Variants in MTAP observed in about 807,000 individuals in gnomAD.
MTAP encodes the protein S-methyl-5'-thioadenosine phosphorylase.
Under a neutral mutation model 33.6 loss-of-function variants are expected in MTAP, and 33 were observed. The ratio of observed to expected loss-of-function variants is 0.98; its 90% CI spans 0.74 to 1.31. The LOEUF is 1.31. MTAP is among the 40% of genes most tolerant of loss of function. The pLI is 0.00. For synonymous variants in MTAP, 148 were observed against 125.7 expected, an observed-to-expected ratio of 1.18 and a Z score of -1.19; for missense variants, 367 against 360.0, an observed-to-expected ratio of 1.02 and a Z score of -0.16.
chr9:21,828,519 CA>C (rs912012688), intron 4 of MTAP, among the ~76,000 whole-genome samples: 4 of 150,522 alleles, frequency 2.7e-5, no homozygotes, highest in South Asian at 2.1e-4. Flanking sequence ...ACTAAAAATA[CA>C]AAAAAAAAGT....
intron 4 of MTAP, among the ~76,000 whole-genome samples, chr9:21,836,131 T>G (rs1825100315): frequency 6.6e-6 from 1 of 152,206 alleles, no homozygotes; most frequent in African/African-American, 2.4e-5. Flanking sequence ...GGCATCTTGG[T>G]TGACTTAATC....
At chr9:21,933,749 A>G (rs1363612243), downstream of MTAP, 3 of 152,190 alleles carry the variant, frequency 2.0e-5, no homozygotes, top group Non-Finnish European at 4.4e-5. Flanking sequence ...ACAGTTTTCA[A>G]ATGAAAACTG....
At chr9:21,938,560 T>C (rs2131059960), downstream of MTAP, among the ~76,000 whole-genome samples, 1 of 152,348 alleles carries the variant, frequency 6.6e-6, no homozygotes, top group Non-Finnish European at 1.5e-5. Context: ...ATGTAAGTTT[T>C]CCAGATGTTC....
At chr9:21,890,464 C>A (rs558837142) in intron 1 of MTAP, among the ~76,000 whole-genome samples, 1 of 152,250 alleles carries the variant, frequency 6.6e-6, no homozygotes, top group African/African-American at 2.4e-5. Context: ...CTGGATTCTG[C>A]CCAGGAAAGT....
intron 1 of MTAP, among the ~76,000 whole-genome samples, chr9:21,901,059 C>T (rs376535669): frequency 1.3e-5 from 2 of 152,314 alleles, no homozygotes; most frequent in East Asian, 3.9e-4. Context: ...AAAACTACCT[C>T]TTAGGTACTA....
Position 21,904,953 on chromosome 9 carries a change from G to A in MTAP, c.148-26055G>A, listed in dbSNP as rs1279827971. On this transcript the variant is annotated intron_variant, in intron 1 of 1. Transcript: ENST00000577563. ...TGACGGGGTGTGGCTCACTTCTTTG[G>A]TATCCCGCTGCTCAAACCTCTAGGG... Among the ~76,000 whole-genome samples, 8 of 152,090 alleles carry A rather than the reference G, an allele frequency of 5.3e-5. No individual in the cohort carries two copies. The East Asian group carries it at 1.5e-3, about 29-fold the overall frequency.
downstream of MTAP, among the ~76,000 whole-genome samples, chr9:21,939,471 A>G (rs1394163989): frequency 1.3e-5 from 2 of 152,214 alleles, no homozygotes; most frequent in Non-Finnish European, 2.9e-5. Flanking sequence ...AAAGAAGCAT[A>G]TACTTTCTCT....
At chr9:21,891,189 A>G (rs1818195804) in intron 1 of MTAP, among the ~76,000 whole-genome samples, 1 of 152,182 alleles carries the variant, frequency 6.6e-6, no homozygotes, top group Admixed American at 6.6e-5. Context: ...CACACAGATG[A>G]AAAAGAACCA....
intron 6 of MTAP, among the ~76,000 whole-genome samples, chr9:21,858,711 C>G (rs1422842706): frequency 1.3e-5 from 2 of 152,198 alleles, no homozygotes; most frequent in Non-Finnish European, 2.9e-5. Flanking sequence ...GGACACAAAT[C>G]CAAACCATAC....
chr9:21,904,110 G>T (rs573395385), intron 1 of MTAP, among the ~76,000 whole-genome samples: 2 of 152,150 alleles, frequency 1.3e-5, no homozygotes, highest in African/African-American at 2.4e-5. Flanking sequence ...GCTGTCCTCC[G>T]ACTGCCCTGG....
At chr9:21,897,429 G>A (rs1300635326) in intron 1 of MTAP, among the ~76,000 whole-genome samples, 1 of 152,160 alleles carries the variant, frequency 6.6e-6, no homozygotes, top group Non-Finnish European at 1.5e-5. Flanking sequence ...GAGGAAAAGA[G>A]GAAGTCAAAT....
At chr9:21,896,159 CTATT>C (rs1563862708) in intron 1 of MTAP, among the ~76,000 whole-genome samples, 1 of 152,218 alleles carries the variant, frequency 6.6e-6, no homozygotes, top group Non-Finnish European at 1.5e-5. Context: ...TCCTGAATGA[CTATT>C]GGGTCCATAA....
At chr9:21,939,465 A>C (rs1437890909), downstream of MTAP, among the ~76,000 whole-genome samples, 1 of 152,232 alleles carries the variant, frequency 6.6e-6, no homozygotes, top group Non-Finnish European at 1.5e-5. Flanking sequence ...AACAGAAAAG[A>C]AGCATATACT....
intron 1 of MTAP, among the ~76,000 whole-genome samples, chr9:21,913,523 T>TG (rs200948115): frequency 0.39 from 58,744 of 151,886 alleles, 13,598 homozygotes; most frequent in East Asian, 0.63. Flanking sequence ...AAACAAGAAA[T>TG]GGGAAAGGAT....
At chr9:21,874,394 T>C in intron 1 of MTAP, among the ~76,000 whole-genome samples, 1 of 152,234 alleles carries the variant, frequency 6.6e-6, no homozygotes, top group East Asian at 1.9e-4. Flanking sequence ...TGCCATGTTT[T>C]ACATGTTGTT....
intron 1 of MTAP, among the ~76,000 whole-genome samples, chr9:21,897,201 C>T (rs529658954): frequency 6.6e-6 from 1 of 152,302 alleles, no homozygotes; most frequent in South Asian, 2.1e-4. Flanking sequence ...TAAAAACTCT[C>T]CATAAGCTAG....
chr9:21,876,151 G>T (rs1025175133), intron 1 of MTAP, among the ~76,000 whole-genome samples: 2 of 151,948 alleles, frequency 1.3e-5, no homozygotes, highest in African/African-American at 4.8e-5. Context: ...AAGTATGATT[G>T]TTGGCCACAT....
At position 21,812,146 on chromosome 9, in the gene MTAP, A is replaced by G. The variant is rs535266704; in HGVS notation, c.34-3287A>G. On this transcript the variant is annotated intron_variant, in intron 1 of 7. Transcript: ENST00000644715. Reference sequence around the variant, plus strand: ...TTGTCCCAGCTGGTCAGCAGGGGGAAGCCATACATGAAGTGCAGGTGGGGG... The same window carrying G: ...TTGTCCCAGCTGGTCAGCAGGGGGAGGCCATACATGAAGTGCAGGTGGGGG... 3 of 195,994 alleles carry G rather than the reference A, an allele frequency of 1.5e-5. No homozygotes were observed. In the Admixed American group the frequency reaches 1.7e-4, roughly 11 times the overall value. 12.1% of individuals were successfully genotyped at this position (195,994 alleles called of 1,614,324 possible).
intron 1 of MTAP, among the ~76,000 whole-genome samples, chr9:21,809,233 A>C (rs1328478063): frequency 6.6e-6 from 1 of 152,054 alleles, no homozygotes; most frequent in Non-Finnish European, 1.5e-5. Context: ...AAGATCCTGG[A>C]TTTAATCATA....
Sources: gnomAD v4.1 joint callset for allele counts (sites outside exome capture counted in the v4.1 genomes callset) on GRCh38, gnomAD v4.1.1 for gene constraint, MANE v1.5 for transcripts, NCBI Gene and HGNC (gene_info 2026-07-23, HGNC 2026-07-21) for gene names.